SPOCK2: variants seen among roughly 807,000 people sequenced by gnomAD.
SPOCK2 encodes SPARC (osteonectin), cwcv and kazal like domains proteoglycan 2, also known as testican-2.
SPOCK2 carries 39 observed loss-of-function variants against 60.1 expected under a neutral mutation model. The observed-to-expected ratio is 0.65, with a 90% CI of 0.50 to 0.85. SPOCK2 has a LOEUF of 0.85. Ranked by LOEUF, SPOCK2 falls within the 40% of genes least tolerant of loss-of-function variation. The probability of loss-of-function intolerance (pLI) is 0.00; values close to 1 mark genes in which losing one functional copy is unlikely to be tolerated. For missense variants in SPOCK2, 523 were observed against 567.4 expected (o/e 0.92, Z 0.80); for synonymous variants, 217 against 231.5 (o/e 0.94, Z 0.57).
intron 5 of SPOCK2, among the ~76,000 whole-genome samples, chr10:72,069,606 C>T (rs925627892): frequency 2.6e-5 from 4 of 151,912 alleles, no homozygotes; most frequent in Non-Finnish European, 5.9e-5. Context: ...CACAGGCACA[C>T]GCCACTGCAC....
In SPOCK2 at chr10:72,063,150, G is replaced by A. The variant is rs748196224; in HGVS notation, c.1004C>T (p.Pro335Leu). ...GTAGTAGCCATCCTCGTCGCAGCTC[G>A]GGATGAAGATGCCTGAATGAGACAG... ...AAKKKPGIFIPSCDEDGYYRK... is the reference protein window; with the variant it reads ...AAKKKPGIFILSCDEDGYYRK... Residue 335 changes from proline to leucine, a missense_variant, in exon 10 of 11, where the codon CCG becomes CTG. By Grantham distance (98) the Pro-to-Leu change is moderately conservative. Coordinates refer to ENST00000373109, the MANE Select transcript of SPOCK2 (RefSeq NM_001244950.2). The A allele has an allele frequency of 5.1e-6, 8 of 1,556,794 alleles. No individual in the cohort carries two copies. Among genetic ancestry groups the A allele is most frequent in the Non-Finnish European group, 6.1e-6 (7 of 1,149,830 alleles).
chr10:72,063,240 C>A, intron 9 of SPOCK2, 78 bp from the exon 10 acceptor site: 1 of 1,529,866 alleles, frequency 6.5e-7, no homozygotes, highest in Non-Finnish European at 8.8e-7. Context: ...CTCAGGTCCT[C>A]ATGCATGAGC....
intron 1 of SPOCK2, among the ~76,000 whole-genome samples, chr10:72,083,834 C>T (rs1840819819): frequency 6.6e-6 from 1 of 152,180 alleles, no homozygotes; most frequent in African/African-American, 2.4e-5. Flanking sequence ...TGGCAAAGGA[C>T]CCAAACCCCA....
chr10:72,074,158 G>A (rs138768349), intron 1 of SPOCK2, among the ~76,000 whole-genome samples: 74 of 152,176 alleles, frequency 4.9e-4, no homozygotes, highest in African/African-American at 1.7e-3. Flanking sequence ...GGCACCAAAC[G>A]GCACCCACAT....
At chr10:72,086,492 C>A (rs1589127190) in intron 1 of SPOCK2, 1 of 1,071,696 alleles carries the variant, frequency 9.3e-7, no homozygotes, top group Non-Finnish European at 1.1e-6. Flanking sequence ...GCCAGCGAGT[C>A]GGAGGGAGGC....
chr10:72,085,872 G>A (rs978826892), intron 1 of SPOCK2, among the ~76,000 whole-genome samples: 1 of 152,238 alleles, frequency 6.6e-6, no homozygotes, highest in African/African-American at 2.4e-5. Context: ...TCTTCTGGCA[G>A]AAGAGGGATA....
intron 7 of SPOCK2, 23 bp from the exon 8 acceptor site, chr10:72,067,143 C>T: frequency 1.9e-6 from 3 of 1,602,128 alleles, no homozygotes; most frequent in African/African-American, 1.3e-5. Flanking sequence ...CAGGTTCAGG[C>T]ACGCTTCATC....
intron 1 of SPOCK2, chr10:72,086,733 A>G (rs976510283): frequency 2.7e-5 from 38 of 1,408,034 alleles, no homozygotes; most frequent in Non-Finnish European, 3.5e-5. Context: ...CTCAGCCTGG[A>G]GACCTGGCTG....
chr10:72,076,722 A>C (rs1840719960), intron 1 of SPOCK2, among the ~76,000 whole-genome samples: 1 of 152,184 alleles, frequency 6.6e-6, no homozygotes, highest in South Asian at 2.1e-4. Context: ...CCCAGCCTGC[A>C]TGGTGCTTTT....
At chr10:72,072,039 T>C in intron 4 of SPOCK2, 105 bp downstream of exon 4, 5 of 904,264 alleles carry the variant, frequency 5.5e-6, no homozygotes, top group Non-Finnish European at 7.9e-6. Flanking sequence ...AGTTTTACAA[T>C]TTATTTAACA....
intron 4 of SPOCK2, among the ~76,000 whole-genome samples, chr10:72,070,730 C>T (rs1020682360): frequency 6.6e-6 from 1 of 152,134 alleles, no homozygotes; most frequent in African/African-American, 2.4e-5. Context: ...GGGGGTCACA[C>T]TTCACTTAGG....
intron 1 of SPOCK2, among the ~76,000 whole-genome samples, 187 bp from the exon 2 acceptor site, chr10:72,073,097 C>T (rs548735369): frequency 6.6e-6 from 1 of 152,308 alleles, no homozygotes; most frequent in East Asian, 1.9e-4. Context: ...GGCCAGTATT[C>T]TTACGTCTTC....
chr10:72,087,185 CCCCAA>C lies in SPOCK2; in HGVS notation c.189+950_189+954del, dbSNP rs1840870252. On this transcript the variant is annotated intron_variant, in intron 1 of 10. Transcript: ENST00000373109. The surrounding 1 kb of genome is among the most constrained non-coding windows in gnomAD (Gnocchi z 4.7). ...CCTGCCTCACCCCTGCTTCCCCAGC[CCCCAA>C]CCCGGCCCGGCCGAGAGGAAGGAGC... is the stretch of plus-strand genomic sequence containing the variant. Among the ~76,000 whole-genome samples, 1 of 152,114 alleles carries C rather than the reference CCCCAA, an allele frequency of 6.6e-6. No homozygotes were observed. The highest frequency in any genetic ancestry group is 1.5e-5 in the Non-Finnish European group (1 of 67,996).
At chr10:72,086,857 C>T (rs1340587467) in intron 1 of SPOCK2, 3 of 1,548,730 alleles carry the variant, frequency 1.9e-6, no homozygotes, top group Non-Finnish European at 2.6e-6. Context: ...CTTCCCATCA[C>T]TTGGCTGGAT....
intron 2 of SPOCK2, 68 bp downstream of exon 2, chr10:72,072,834 G>C: frequency 6.5e-7 from 1 of 1,550,362 alleles, no homozygotes; most frequent in Non-Finnish European, 8.7e-7. Context: ...AGGGTGTGGA[G>C]GGACACAGGA....
intron 1 of SPOCK2, among the ~76,000 whole-genome samples, chr10:72,076,381 A>G (rs1840715238): frequency 1.3e-5 from 2 of 152,190 alleles, no homozygotes; most frequent in African/African-American, 4.8e-5. Context: ...TGGGCTCATT[A>G]GCAGTTGTGA....
chr10:72,074,805 C>G (rs113208045), intron 1 of SPOCK2, among the ~76,000 whole-genome samples: 2,364 of 152,290 alleles, frequency 0.016, 70 homozygotes, highest in African/African-American at 0.054. Flanking sequence ...CTTTCACGTG[C>G]CTCCCCGTGT....
rs1289558995 is a variant in SPOCK2 at position 72,087,199 on chromosome 10, G to A, written c.189+941C>T. Reference sequence around the variant, plus strand: ...GCTTCCCCAGCCCCCAACCCGGCCCGGCCGAGAGGAAGGAGCCAGCCCCGC... The same window carrying A: ...GCTTCCCCAGCCCCCAACCCGGCCCAGCCGAGAGGAAGGAGCCAGCCCCGC... On this transcript the variant is annotated intron_variant, in intron 1 of 10. Transcript: ENST00000373109. The surrounding 1 kb of genome is among the most constrained non-coding windows in gnomAD (Gnocchi z 4.7). Among the ~76,000 whole-genome samples, 1 of 149,138 alleles carries A rather than the reference G, an allele frequency of 6.7e-6. No individual in the cohort carries two copies. The highest frequency in any genetic ancestry group is 1.5e-5 in the Non-Finnish European group (1 of 67,322).
chr10:72,081,631 C>T (rs561562560), intron 1 of SPOCK2, among the ~76,000 whole-genome samples: 1 of 152,366 alleles, frequency 6.6e-6, no homozygotes, highest in Non-Finnish European at 1.5e-5. Context: ...TGGCTGTAGC[C>T]AGGGATAGGC....
Sources: allele counts gnomAD v4.1 joint callset (sites outside exome capture counted in the v4.1 genomes callset), GRCh38; gene constraint gnomAD v4.1.1; non-coding constraint Gnocchi (gnomAD v3.1); transcripts MANE v1.5; gene names NCBI Gene and HGNC (gene_info 2026-07-23, HGNC 2026-07-21).